The following OVCH1 variants were observed in gnomAD, a reference collection of about 807,000 sequenced individuals.
OVCH1 encodes the protein ovochymase-1.
OVCH1 carries 139 observed loss-of-function variants against 138.4 expected under a neutral mutation model. The observed-to-expected ratio is 1.00, with a 90% CI of 0.87 to 1.16. OVCH1 has a LOEUF of 1.16. OVCH1 is among the 50% of genes most tolerant of loss of function. OVCH1 has a pLI of 0.00. For synonymous variants in OVCH1, 453 were observed against 467.8 expected (o/e 0.97, Z 0.41); for missense variants, 1,367 against 1,357.9 (o/e 1.01, Z -0.11).
chr12:29,451,591 C>A (rs1941797677), intron 21 of OVCH1, 22 bp from the exon 22 acceptor site: 3 of 1,564,948 alleles, frequency 1.9e-6, no homozygotes, highest in Admixed American at 3.6e-5. Flanking sequence ...AACACACAGA[C>A]ACCAGGGACC....
chr12:29,469,021 G>A (rs747909389), intron 16 of OVCH1, among the ~76,000 whole-genome samples: 2 of 152,158 alleles, frequency 1.3e-5, no homozygotes, highest in Non-Finnish European at 2.9e-5. Context: ...GGATGAGGGA[G>A]TGTCAAAGAG....
downstream of OVCH1, chr12:29,427,421 A>C (rs1204664859): frequency 1.9e-6 from 2 of 1,080,408 alleles, no homozygotes; most frequent in Non-Finnish European, 1.3e-6. Context: ...CCCTAGAAGA[A>C]AAGGTTAAGG....
At position 29,495,501 on chromosome 12, in the gene OVCH1, C is replaced by T. The variant is rs182892134; in HGVS notation, c.282-44G>A. ...GTTTCATAAGTAGTTGTTTCCCCTA[C>T]GCAAGTCTTCTTGGTTTGATGTAAT... On this transcript the variant is annotated intron_variant, in intron 3 of 27. Transcript: ENST00000318184. 300 of 1,538,394 alleles carry T rather than the reference C, an allele frequency of 2.0e-4. 3 individuals are homozygous for T. In the East Asian group the frequency reaches 4.3e-3, roughly 22 times the overall value.
intron 27 of OVCH1, among the ~76,000 whole-genome samples, chr12:29,430,704 C>A (rs1464287725): frequency 1.3e-5 from 2 of 152,164 alleles, no homozygotes; most frequent in Non-Finnish European, 2.9e-5. Context: ...AGTGGGTGAG[C>A]AGAGCTGGAG....
chr12:29,417,173 A>G (rs942871909), intron 3 of OVCH1, among the ~76,000 whole-genome samples: 1 of 152,124 alleles, frequency 6.6e-6, no homozygotes, highest in Non-Finnish European at 1.5e-5. Context: ...GATCTGGGAA[A>G]GGGTGAAGTG....
chr12:29,442,662 A>G (rs1313299258), intron 25 of OVCH1, among the ~76,000 whole-genome samples: 1 of 151,862 alleles, frequency 6.6e-6, no homozygotes, highest in African/African-American at 2.4e-5. Context: ...AAATTTTATG[A>G]TGGGGAAACT....
intron 19 of OVCH1, among the ~76,000 whole-genome samples, chr12:29,457,161 C>T (rs890604211): frequency 6.6e-6 from 1 of 152,142 alleles, no homozygotes; most frequent in Non-Finnish European, 1.5e-5. Context: ...AACAATTATA[C>T]TTAAAACCCT....
At chr12:29,444,032 T>A in intron 24 of OVCH1, 113 bp downstream of exon 24, 1 of 1,259,468 alleles carries the variant, frequency 7.9e-7, no homozygotes, top group South Asian at 1.7e-5. Flanking sequence ...AAGAGTCTAT[T>A]CTTTTTGGAA....
chr12:29,441,551 A>G (rs1394404019), intron 25 of OVCH1, among the ~76,000 whole-genome samples: 2 of 152,202 alleles, frequency 1.3e-5, no homozygotes, highest in African/African-American at 2.4e-5. Flanking sequence ...CATTCAGGAC[A>G]TAGACATGGG....
At chr12:29,433,696 G>A (rs901760052) in intron 27 of OVCH1, 8 of 1,378,484 alleles carry the variant, frequency 5.8e-6, no homozygotes, top group Admixed American at 2.9e-5. Context: ...AATAATTCTC[G>A]GTTTAAATGT....
At chr12:29,415,799 C>T (rs1487586455) in intron 3 of OVCH1, among the ~76,000 whole-genome samples, 1 of 152,058 alleles carries the variant, frequency 6.6e-6, no homozygotes, top group African/African-American at 2.4e-5. Flanking sequence ...ACATAGCAAG[C>T]TTATTTTAAA....
chr12:29,433,821 T>A, intron 26 of OVCH1: 1 of 1,392,146 alleles, frequency 7.2e-7, no homozygotes, highest in South Asian at 1.4e-5. Context: ...ATACTAAAAT[T>A]AAGTAAAATG....
At chr12:29,490,715 A>T (rs543410625) in intron 5 of OVCH1, among the ~76,000 whole-genome samples, 1 of 152,292 alleles carries the variant, frequency 6.6e-6, no homozygotes, top group South Asian at 2.1e-4. Context: ...CGTTTCTCTC[A>T]TTCTCAAATT....
the OVCH1 span, among the ~76,000 whole-genome samples, chr12:29,405,048 A>C: frequency 7.4e-5 from 10 of 135,094 alleles, no homozygotes; most frequent in African/African-American, 2.1e-4. Context: ...AAAAAAAAAA[A>C]AAAAAAAACA....
intron 14 of OVCH1, 89 bp from the exon 15 acceptor site, chr12:29,473,192 C>T (rs1390614797): frequency 1.2e-6 from 1 of 861,170 alleles, no homozygotes; most frequent in African/African-American, 1.7e-5. Flanking sequence ...CATAAAACTA[C>T]TCTACTGTAG....
intron 22 of OVCH1, among the ~76,000 whole-genome samples, chr12:29,449,734 G>T (rs1941726300): frequency 6.6e-6 from 1 of 152,126 alleles, no homozygotes; most frequent in Admixed American, 6.5e-5. Context: ...GAACAAAGCT[G>T]GAGGCATCAC....
chr12:29,431,650 A>G lies in OVCH1; in HGVS notation c.3327+2101T>C, dbSNP rs184457195. On this transcript the variant is annotated intron_variant, in intron 27 of 27. Coordinates refer to ENST00000318184, the Ensembl canonical transcript of OVCH1. ...TAATGGCTCTATATTTCTTATTCAC[A>G]TAGACATATCATAATTTCTCATAGC... 5.5e-4 allele frequency among the ~76,000 whole-genome samples: 84 copies of G among 152,258 alleles called. 2 individuals are homozygous for G. The East Asian group carries it at 0.012, about 22-fold the overall frequency.
In OVCH1 at chr12:29,491,211, C is replaced by T. The variant is rs747362940; in HGVS notation, c.455-19G>A. ...GCATTTCCTGAGAAAACAACAAAGGCATGAGGTTCATGGATAAATACGCCA... is the reference window on the plus strand; with the variant it reads ...GCATTTCCTGAGAAAACAACAAAGGTATGAGGTTCATGGATAAATACGCCA... On this transcript the variant is annotated intron_variant, in intron 4 of 27. Coordinates refer to ENST00000318184, the Ensembl canonical transcript of OVCH1. The T allele has an allele frequency of 6.3e-7, 1 of 1,576,740 alleles. No individual in the cohort carries two copies. The highest frequency in any genetic ancestry group is 8.7e-7 in the Non-Finnish European group (1 of 1,147,186).
chr12:29,487,631 G>A (rs772006024), intron 7 of OVCH1, 62 bp downstream of exon 7: 19 of 1,419,070 alleles, frequency 1.3e-5, no homozygotes, highest in Admixed American at 4.4e-5. Context: ...TGATAATATC[G>A]CAACATAGCA....
Sources: gnomAD v4.1 joint callset for allele counts (sites outside exome capture counted in the v4.1 genomes callset) on GRCh38, gnomAD v4.1.1 for gene constraint, MANE v1.5 for transcripts, NCBI Gene and HGNC (gene_info 2026-07-23, HGNC 2026-07-21) for gene names.